Variants in SHISA9 observed in about 807,000 individuals in gnomAD.
The protein encoded by SHISA9 is shisa family member 9.
In SHISA9, 13 loss-of-function variants were observed where a neutral mutation model predicts 38.0. The ratio of observed to expected loss-of-function variants is 0.34; its 90% CI spans 0.22 to 0.54. The LOEUF (loss-of-function observed/expected upper bound fraction) is 0.54. SHISA9 is among the 20% of genes least tolerant of loss of function. The pLI is 0.91. For synonymous variants in SHISA9, 275 were observed against 242.0 expected (o/e 1.14, Z -1.27); for missense variants, 538 against 575.8 (o/e 0.93, Z 0.67).
At chr16:13,227,913 A>G (rs1468499034) in intron 4 of SHISA9, among the ~76,000 whole-genome samples, 3 of 152,190 alleles carry the variant, frequency 2.0e-5, no homozygotes, top group African/African-American at 7.2e-5. Flanking sequence ...TAAGTTGCCT[A>G]CCATAGAGTA....
the SHISA9 span, among the ~76,000 whole-genome samples, chr16:13,514,089 G>T: frequency 1.3e-5 from 2 of 152,080 alleles, no homozygotes; most frequent in African/African-American, 4.8e-5. Context: ...CTGTCTCCTG[G>T]GTTCAAGTGA....
chr16:13,393,567 G>A, the SHISA9 span, among the ~76,000 whole-genome samples: 1 of 152,198 alleles, frequency 6.6e-6, no homozygotes. Flanking sequence ...CGGGCACTGT[G>A]TCAGCCATCT....
At chr16:13,339,800 GT>G in the SHISA9 span, among the ~76,000 whole-genome samples, 4 of 152,146 alleles carry the variant, frequency 2.6e-5, no homozygotes, top group Non-Finnish European at 4.4e-5. Context: ...GCCTCAGTTA[GT>G]TTTCCATAAT....
chr16:13,069,420 GTGTA>G (rs1232629460), intron 2 of SHISA9, among the ~76,000 whole-genome samples: 3 of 150,174 alleles, frequency 2.0e-5, no homozygotes, highest in African/African-American at 7.6e-5. Flanking sequence ...GTGCATGTGT[GTGTA>G]TGTGTATGTG....
the SHISA9 span, among the ~76,000 whole-genome samples, chr16:13,286,374 G>A: frequency 3.9e-5 from 6 of 152,172 alleles, no homozygotes; most frequent in South Asian, 6.2e-4. Context: ...CTTTAAACCC[G>A]AAGTCTCCAC....
chr16:13,469,242 GAAA>G, the SHISA9 span, among the ~76,000 whole-genome samples: 1 of 125,852 alleles, frequency 7.9e-6, no homozygotes, highest in Non-Finnish European at 1.7e-5. Flanking sequence ...ACTCTGCCAA[GAAA>G]AAAAAAGAGA....
the SHISA9 span, among the ~76,000 whole-genome samples, chr16:13,325,917 G>T: frequency 6.2e-4 from 91 of 147,712 alleles, no homozygotes; most frequent in African/African-American, 2.1e-3. Flanking sequence ...TGGGTATAGG[G>T]GAGGGAGAGC....
At chr16:13,412,444 T>G in the SHISA9 span, among the ~76,000 whole-genome samples, 26 of 152,154 alleles carry the variant, frequency 1.7e-4, no homozygotes, top group Non-Finnish European at 2.9e-4. Context: ...CCTTCCCCTT[T>G]CCTACGTTCT....
the SHISA9 span, among the ~76,000 whole-genome samples, chr16:13,245,602 T>C: frequency 6.6e-6 from 1 of 152,214 alleles, no homozygotes; most frequent in Non-Finnish European, 1.5e-5. Context: ...TGTTTTATTT[T>C]TCGCCACTCA....
intron 2 of SHISA9, among the ~76,000 whole-genome samples, chr16:13,025,762 C>CT (rs2072913025): frequency 1.3e-5 from 2 of 152,042 alleles, no homozygotes; most frequent in African/African-American, 4.8e-5. Context: ...TTTATTTTTA[C>CT]TTTTTTATTG....
At chr16:13,358,307 G>A in the SHISA9 span, among the ~76,000 whole-genome samples, 6 of 152,278 alleles carry the variant, frequency 3.9e-5, no homozygotes, top group East Asian at 1.2e-3. Context: ...TGAGATACCT[G>A]TATTCAAATC....
the SHISA9 span, among the ~76,000 whole-genome samples, chr16:13,342,454 AT>A: frequency 4.9e-4 from 74 of 152,184 alleles, no homozygotes; most frequent in South Asian, 0.013. Flanking sequence ...TGTCCAGCTA[AT>A]TTTTTTGTAT....
chr16:13,194,107 A>G (rs529001908), intron 2 of SHISA9, among the ~76,000 whole-genome samples: 1 of 152,142 alleles, frequency 6.6e-6, no homozygotes, highest in South Asian at 2.1e-4. Context: ...CCCCCCAAGA[A>G]CTGGAGGAGT....
chr16:13,324,131 T>G, the SHISA9 span, among the ~76,000 whole-genome samples: 5 of 152,314 alleles, frequency 3.3e-5, no homozygotes, highest in Non-Finnish European at 7.3e-5. Context: ...TCCTAAGGCC[T>G]CACCAGAAGC....
chr16:13,497,685 C>CAAAAAAAAAAAAAAAAAAAA, the SHISA9 span, among the ~76,000 whole-genome samples: 1 of 106,360 alleles, frequency 9.4e-6, no homozygotes, highest in Non-Finnish European at 1.9e-5. Flanking sequence ...ACTCCGTCTC[C>CAAAAAAAAAAAAAAAAAAAA]AAAAAAAAAA....
At chr16:13,324,218 C>T in the SHISA9 span, among the ~76,000 whole-genome samples, 1 of 152,186 alleles carries the variant, frequency 6.6e-6, no homozygotes, top group East Asian at 1.9e-4. Context: ...ATGAATTACC[C>T]AGCCTCAGGT....
At chr16:13,183,877 G>T (rs2050797698) in intron 2 of SHISA9, among the ~76,000 whole-genome samples, 1 of 152,110 alleles carries the variant, frequency 6.6e-6, no homozygotes, top group African/African-American at 2.4e-5. Flanking sequence ...ACCATGGATT[G>T]GATGTGAAGT....
intron 2 of SHISA9, among the ~76,000 whole-genome samples, chr16:13,156,728 C>A (rs1013140202): frequency 1.1e-5 from 1 of 89,498 alleles, no homozygotes; most frequent in Middle Eastern, 4.4e-3. Context: ...AGTGAGACTC[C>A]GTCTCAAAAA....
the SHISA9 span, among the ~76,000 whole-genome samples, chr16:13,479,606 T>C: frequency 6.6e-6 from 1 of 152,218 alleles, no homozygotes; most frequent in East Asian, 1.9e-4. Context: ...ATATATACTT[T>C]CATTATTCAC....
Sources: gnomAD v4.1 joint callset for allele counts (sites outside exome capture counted in the v4.1 genomes callset) on GRCh38, gnomAD v4.1.1 for gene constraint, MANE v1.5 for transcripts, NCBI Gene and HGNC (gene_info 2026-07-23, HGNC 2026-07-21) for gene names.